The following AGAP1 variants were observed in gnomAD, a reference collection of about 807,000 sequenced individuals.
The protein encoded by AGAP1 is ArfGAP with GTPase domain, ankyrin repeat and PH domain 1, also known as arf-GAP with GTPase, ANK repeat and PH domain-containing protein 1.
AGAP1 carries 29 observed loss-of-function variants against 105.3 expected under a neutral mutation model. The observed-to-expected ratio is 0.28, with a 90% CI of 0.21 to 0.38. AGAP1 has a LOEUF of 0.38. AGAP1 is among the 10% of genes least tolerant of loss of function. The pLI is 1.00. For synonymous variants in AGAP1, 509 were observed against 485.9 expected (o/e 1.05, Z -0.63); for missense variants, 998 against 1,165.1 (o/e 0.86, Z 2.09).
rs1412722392 is a variant in AGAP1 at position 235,737,277 on chromosome 2, G to A, written c.311-3686G>A. 2.6e-5 allele frequency among the ~76,000 whole-genome samples: 4 copies of A among 151,916 alleles called. No homozygotes were observed. In the East Asian group the frequency reaches 5.8e-4, roughly 22 times the overall value. On this transcript the variant is annotated intron_variant, in intron 3 of 17. Transcript: ENST00000304032. The surrounding 1 kb of genome is among the most constrained non-coding windows in gnomAD (Gnocchi z 4.5). ...TTGCTTTCTGATTTAAGTGTAATAC[G>A]AAAAAAAATCATGCAAATCAATTAC...
rs762142416 is a variant in AGAP1 at position 235,971,863 on chromosome 2, C to A, written c.1645+3240C>A. On this transcript the variant is annotated intron_variant, in intron 13 of 17. Transcript: ENST00000304032. This position sits in a 1 kb window ranked among gnomAD's most constrained non-coding sequence, Gnocchi z 4.8. The stretch of plus-strand genomic sequence containing the variant: ...GTGCAGTCACGGCTCACTGCAGCCT[C>A]GAACTCCCAGGTTCAAGTGATCTTC... Among the ~76,000 whole-genome samples the A allele has an allele frequency of 3.3e-5, 5 of 151,736 alleles. No homozygotes were observed. Among genetic ancestry groups the A allele is most frequent in the Non-Finnish European group, 7.4e-5 (5 of 67,960 alleles).
rs951585413 is a variant in AGAP1, at chr2:235,663,758, T to C, written c.164-45421T>C. Among the ~76,000 whole-genome samples the C allele has an allele frequency of 6.6e-6, 1 of 152,266 alleles. No homozygotes were observed. Among genetic ancestry groups the C allele is most frequent in the African/African-American group, 2.4e-5 (1 of 41,528 alleles). On this transcript the variant is annotated intron_variant, in intron 1 of 17. Transcript: ENST00000304032. This position sits in a 1 kb window ranked among gnomAD's most constrained non-coding sequence, Gnocchi z 5.4. ...CTACTCCAGGAAGCTCTTAGGAGAA[T>C]CCAAATCCGACTTCCCTGTGCTTTG...
Position 236,120,813 on chromosome 2 carries a change from G to A in AGAP1, c.2370+366G>A, listed in dbSNP as rs1476958560. 1.3e-5 allele frequency among the ~76,000 whole-genome samples: 2 copies of A among 152,206 alleles called. No homozygotes were observed. The highest frequency in any genetic ancestry group is 4.8e-5 in the African/African-American group (2 of 41,456). ...TTGGTGTTTTTATTCACTTAACACA[G>A]AAATACTGGACCCTAAACTTTGAGG... On this transcript the variant is annotated intron_variant, in intron 17 of 17. Coordinates refer to ENST00000304032, the MANE Select transcript of AGAP1 (RefSeq NM_001037131.3). The surrounding 1 kb of genome is among the most constrained non-coding windows in gnomAD (Gnocchi z 6.0).
intron 10 of AGAP1, among the ~76,000 whole-genome samples, chr2:235,890,555 A>G (rs1285989455): frequency 1.3e-5 from 2 of 152,212 alleles, no homozygotes; most frequent in Non-Finnish European, 2.9e-5. Flanking sequence ...CTTCCCTCAC[A>G]GAGTATGTTC....
chr2:236,113,653 A>G lies in AGAP1; in HGVS notation c.2115-6539A>G, dbSNP rs2059704683. 6.6e-6 allele frequency among the ~76,000 whole-genome samples: 1 copy of G among 152,190 alleles called. No homozygotes were observed. The highest frequency in any genetic ancestry group is 6.5e-5 in the Admixed American group (1 of 15,278). On this transcript the variant is annotated intron_variant, in intron 16 of 17. Coordinates refer to ENST00000304032, the MANE Select transcript of AGAP1 (RefSeq NM_001037131.3). The surrounding 1 kb of genome is among the most constrained non-coding windows in gnomAD (Gnocchi z 4.3). ...CAAGAGAATTGTCTTTGGGATGGAC[A>G]CAGGGAAGCCACCTTGGCCAAGTCA...
In AGAP1 at chr2:235,874,913, A is replaced by G. The variant is rs1266067866; in HGVS notation, c.1051-8432A>G. On this transcript the variant is annotated intron_variant, in intron 9 of 17. Transcript: ENST00000304032. This position sits in a 1 kb window ranked among gnomAD's most constrained non-coding sequence, Gnocchi z 4.5. The stretch of plus-strand genomic sequence containing the variant: ...ATACCCTCTTATCAGAGAAATTGTC[A>G]ATATCATGGCCCCACATTTCCATTA... Among the ~76,000 whole-genome samples, 1 of 152,194 alleles carries G rather than the reference A, an allele frequency of 6.6e-6. No individual in the cohort carries two copies. Among genetic ancestry groups the G allele is most frequent in the Non-Finnish European group, 1.5e-5 (1 of 68,028 alleles).
chr2:235,958,800 C>T lies in AGAP1; in HGVS notation c.1484-9662C>T, dbSNP rs538483749. Among the ~76,000 whole-genome samples, 10 of 152,264 alleles carry T rather than the reference C, an allele frequency of 6.6e-5. No homozygotes were observed. The East Asian group carries it at 1.5e-3, about 24-fold the overall frequency. ...TCAAGCAGGCTGCTTGATATTTATGCGGACGGAATGTTATTTTATTCCCCC... is the reference window on the plus strand; with the variant it reads ...TCAAGCAGGCTGCTTGATATTTATGTGGACGGAATGTTATTTTATTCCCCC... On this transcript the variant is annotated intron_variant, in intron 12 of 17. Coordinates refer to ENST00000304032, the MANE Select transcript of AGAP1 (RefSeq NM_001037131.3). This position sits in a 1 kb window ranked among gnomAD's most constrained non-coding sequence, Gnocchi z 4.1.
chr2:235,774,393 A>G, intron 6 of AGAP1: 1 of 470,974 alleles, frequency 2.1e-6, no homozygotes, highest in Non-Finnish European at 4.4e-6. Flanking sequence ...AAAAGGGCTG[A>G]GTCTGTCGGG....
intron 11 of AGAP1, among the ~76,000 whole-genome samples, chr2:235,915,379 G>T (rs1459152525): frequency 6.6e-6 from 1 of 152,118 alleles, no homozygotes; most frequent in East Asian, 1.9e-4. Context: ...GAGGCAAACA[G>T]AGAGCACGTG....
At chr2:235,498,752 A>T (rs1941433803) in intron 1 of AGAP1, among the ~76,000 whole-genome samples, 1 of 152,206 alleles carries the variant, frequency 6.6e-6, no homozygotes, top group Non-Finnish European at 1.5e-5. Context: ...ATCGCCGGGA[A>T]GGTTGGCCTT....
chr2:235,974,631 A>G (rs528450977), intron 13 of AGAP1, among the ~76,000 whole-genome samples: 60 of 152,358 alleles, frequency 3.9e-4, no homozygotes, highest in African/African-American at 1.4e-3. Flanking sequence ...AGGGTAAGTC[A>G]CAAACGGGCC....
At chr2:235,771,861 C>T (rs1215793373) in intron 6 of AGAP1, among the ~76,000 whole-genome samples, 1 of 152,138 alleles carries the variant, frequency 6.6e-6, no homozygotes. Flanking sequence ...TTTAATCATT[C>T]ATCCTTTTTA....
At chr2:235,648,927 G>A (rs1453857339) in intron 1 of AGAP1, among the ~76,000 whole-genome samples, 1 of 151,674 alleles carries the variant, frequency 6.6e-6, no homozygotes. Flanking sequence ...CAGTTCGCAG[G>A]ACTTCGGAAG....
rs34034658 is a variant in AGAP1, at chr2:235,931,153, G to A, written c.1483+230G>A. Among the ~76,000 whole-genome samples, 1 of 152,046 alleles carries A rather than the reference G, an allele frequency of 6.6e-6. No individual in the cohort carries two copies. The highest frequency in any genetic ancestry group is 2.1e-4 in the South Asian group (1 of 4,828). Reference sequence around the variant, plus strand: ...TGTTCCTCTTTGGCACAGGGAGGAGGTAGTCATCCCATTTGGTCAGTTTGG... The same window carrying A: ...TGTTCCTCTTTGGCACAGGGAGGAGATAGTCATCCCATTTGGTCAGTTTGG... On this transcript the variant is annotated intron_variant, in intron 12 of 17. Coordinates refer to ENST00000304032, the MANE Select transcript of AGAP1 (RefSeq NM_001037131.3). The surrounding 1 kb of genome is among the most constrained non-coding windows in gnomAD (Gnocchi z 5.6).
At position 235,842,014 on chromosome 2, in the gene AGAP1, G is replaced by A. The variant is rs1048603309; in HGVS notation, c.1050+34683G>A. Reference sequence around the variant, plus strand: ...CTTGCCGTCACCACTCCATGCAGACGCTGGGATACTAAGGTTTTCACCTGC... The same window carrying A: ...CTTGCCGTCACCACTCCATGCAGACACTGGGATACTAAGGTTTTCACCTGC... On this transcript the variant is annotated intron_variant, in intron 9 of 17. Transcript: ENST00000304032. The surrounding 1 kb of genome is among the most constrained non-coding windows in gnomAD (Gnocchi z 5.3). Among the ~76,000 whole-genome samples, 2 of 152,130 alleles carry A rather than the reference G, an allele frequency of 1.3e-5. No individual in the cohort carries two copies. The highest frequency in any genetic ancestry group is 4.8e-5 in the African/African-American group (2 of 41,414).
At position 235,917,012 on chromosome 2, in the gene AGAP1, C is replaced by T. The variant is rs2051917529; in HGVS notation, c.1324+8106C>T. On this transcript the variant is annotated intron_variant, in intron 11 of 17. Transcript: ENST00000304032. ...CTGTGGTCACTTTATTCTGTAACTC[C>T]TGGTTGTGACATTTTTGTTCTAGGA... is the stretch of plus-strand genomic sequence containing the variant. 1.3e-5 allele frequency among the ~76,000 whole-genome samples: 2 copies of T among 152,168 alleles called. 1 individual carries two copies. The highest frequency in any genetic ancestry group is 4.1e-4 in the South Asian group (2 of 4,832).
rs1455637620 is a variant in AGAP1, at chr2:235,535,366, G to A, written c.163+40517G>A. Among the ~76,000 whole-genome samples the A allele has an allele frequency of 6.6e-6, 1 of 152,178 alleles. No homozygotes were observed. The highest frequency in any genetic ancestry group is 1.5e-5 in the Non-Finnish European group (1 of 68,042). ...GCGACGAGCAAGTTTATTGAAGAGG[G>A]TGTGAGGTCGCGGCGCCTGACCCTC... is the stretch of plus-strand genomic sequence containing the variant. On this transcript the variant is annotated intron_variant, in intron 1 of 17. Coordinates refer to ENST00000304032, the MANE Select transcript of AGAP1 (RefSeq NM_001037131.3). This position sits in a 1 kb window ranked among gnomAD's most constrained non-coding sequence, Gnocchi z 5.1.
intron 1 of AGAP1, among the ~76,000 whole-genome samples, chr2:235,674,693 CTTT>C (rs201019044): frequency 8.1e-5 from 11 of 136,268 alleles, no homozygotes; most frequent in Admixed American, 7.3e-5. Context: ...GGGTGATAGA[CTTT>C]TTTTTTTTTT....
chr2:235,523,090 G>T (rs1202209374), intron 1 of AGAP1, among the ~76,000 whole-genome samples: 1 of 152,144 alleles, frequency 6.6e-6, no homozygotes, highest in African/African-American at 2.4e-5. Flanking sequence ...TCTCTTCCTG[G>T]CTTACACACG....
Sources: allele counts gnomAD v4.1 joint callset (sites outside exome capture counted in the v4.1 genomes callset), GRCh38; gene constraint gnomAD v4.1.1; non-coding constraint Gnocchi (gnomAD v3.1); transcripts MANE v1.5; gene names NCBI Gene and HGNC (gene_info 2026-07-23, HGNC 2026-07-21).